PLCB1: variants seen among roughly 807,000 people sequenced by gnomAD.
PLCB1 encodes phospholipase C beta 1.
Under a neutral mutation model 161.8 loss-of-function variants are expected in PLCB1, and 46 were observed. That is an observed-to-expected ratio of 0.28 (90% CI 0.22 to 0.36). PLCB1 has a LOEUF of 0.36. Ranked by LOEUF, PLCB1 falls within the 10% of genes least tolerant of loss-of-function variation. The probability of loss-of-function intolerance (pLI) is 1.00; values close to 1 mark genes in which losing one functional copy is unlikely to be tolerated. For missense variants in PLCB1, 1,016 were observed against 1,472.5 expected, an observed-to-expected ratio of 0.69 and a Z score of 5.07; for synonymous variants, 517 against 503.7, an observed-to-expected ratio of 1.03 and a Z score of -0.35.
At chr20:8,544,272 G>A (rs953186242) in intron 3 of PLCB1, among the ~76,000 whole-genome samples, 2 of 152,208 alleles carry the variant, frequency 1.3e-5, no homozygotes, top group East Asian at 1.9e-4. Flanking sequence ...TAGTGGGTAT[G>A]TGAGCATGTG....
intron 7 of PLCB1, chr20:8,651,373 GAAAT>G: frequency 1.4e-6 from 1 of 699,246 alleles, no homozygotes; most frequent in Non-Finnish European, 2.7e-6. Context: ...TCACAAGAAA[GAAAT>G]AAGAGCACCT....
intron 3 of PLCB1, among the ~76,000 whole-genome samples, chr20:8,403,729 CA>C (rs1466943567): frequency 6.6e-6 from 1 of 152,162 alleles, no homozygotes; most frequent in Non-Finnish European, 1.5e-5. Flanking sequence ...CACTGCAAGA[CA>C]GATTGTGGAT....
In PLCB1 at chr20:8,757,150, C is replaced by T. The variant is rs747869213; in HGVS notation, c.2628C>T (p.Ser876=). The T allele has an allele frequency of 1.6e-5, 25 of 1,612,666 alleles. No individual in the cohort carries two copies. In the South Asian group the frequency reaches 2.8e-4, roughly 18 times the overall value. ...HTTTLTPKPP[S]QALHSQPAPG... ...CAACCCTGACACCCAAGCCACCCTCCCAGGCTCTCCACAGCCAGCCAGCTC... is the reference window on the plus strand; with the variant it reads ...CAACCCTGACACCCAAGCCACCCTCTCAGGCTCTCCACAGCCAGCCAGCTC... The change falls in exon 24 of 32, where the codon TCC becomes TCT. Residue 876 remains serine, a synonymous_variant. Coordinates refer to ENST00000338037, the MANE Select transcript of PLCB1 (RefSeq NM_015192.4).
At chr20:8,184,769 TTTATTATTATTA>T (rs57793768) in intron 2 of PLCB1, among the ~76,000 whole-genome samples, 43 of 141,920 alleles carry the variant, frequency 3.0e-4, no homozygotes, top group Non-Finnish European at 4.3e-4. Flanking sequence ...TGGCAATACC[TTTATTATTATTA>T]TTATTATTAT....
At chr20:8,851,653 G>C (rs2146302365) in intron 31 of PLCB1, among the ~76,000 whole-genome samples, 1 of 151,878 alleles carries the variant, frequency 6.6e-6, no homozygotes, top group African/African-American at 2.4e-5. Context: ...AGTCACCCCA[G>C]CTGCTGCTAT....
At chr20:8,711,061 ATAT>A (rs1978986483) in intron 12 of PLCB1, among the ~76,000 whole-genome samples, 1 of 152,200 alleles carries the variant, frequency 6.6e-6, no homozygotes, top group Admixed American at 6.5e-5. Context: ...CTAAGAGTAA[ATAT>A]TATGATTATC....
intron 3 of PLCB1, among the ~76,000 whole-genome samples, chr20:8,541,703 A>G (rs974086211): frequency 6.6e-6 from 1 of 152,214 alleles, no homozygotes; most frequent in African/African-American, 2.4e-5. Context: ...ATTTGTATTT[A>G]TTTATTGAGC....
intron 2 of PLCB1, among the ~76,000 whole-genome samples, chr20:8,331,915 T>C (rs994514722): frequency 1.3e-5 from 2 of 152,112 alleles, no homozygotes; most frequent in Non-Finnish European, 2.9e-5. Flanking sequence ...GGTAAGACAA[T>C]TGGATCGAGA....
At chr20:8,406,438 CTTGTG>C (rs988030357) in intron 3 of PLCB1, among the ~76,000 whole-genome samples, 84 of 152,150 alleles carry the variant, frequency 5.5e-4, no homozygotes, top group African/African-American at 1.9e-3. Context: ...CAAAAATTGT[CTTGTG>C]TTAAGTGTTT....
chr20:8,554,680 T>C (rs1985891031), intron 3 of PLCB1, among the ~76,000 whole-genome samples: 1 of 152,138 alleles, frequency 6.6e-6, no homozygotes, highest in Non-Finnish European at 1.5e-5. Flanking sequence ...GATGATTGCA[T>C]GGTCATATAC....
At chr20:8,847,799 A>G (rs552846030) in intron 31 of PLCB1, among the ~76,000 whole-genome samples, 2 of 152,244 alleles carry the variant, frequency 1.3e-5, no homozygotes, top group African/African-American at 4.8e-5. Context: ...CAGTTTATCA[A>G]GAAGGATACA....
chr20:8,773,272 G>C (rs1982782287), intron 26 of PLCB1, among the ~76,000 whole-genome samples: 1 of 152,166 alleles, frequency 6.6e-6, no homozygotes, highest in Non-Finnish European at 1.5e-5. Context: ...AGAGTCTGAT[G>C]TGTTGAATGT....
chr20:8,206,321 G>A (rs1978527295), intron 2 of PLCB1, among the ~76,000 whole-genome samples: 1 of 151,934 alleles, frequency 6.6e-6, no homozygotes, highest in South Asian at 2.1e-4. Context: ...TTTATGTATT[G>A]TGAACATTTT....
intron 31 of PLCB1, among the ~76,000 whole-genome samples, chr20:8,795,267 G>A (rs1317809105): frequency 1.3e-5 from 2 of 152,114 alleles, no homozygotes; most frequent in Non-Finnish European, 2.9e-5. Flanking sequence ...CATTTTGTAG[G>A]TAATTTTGAG....
In PLCB1 at chr20:8,228,160, A is replaced by AAAAT. The variant is rs896428635; in HGVS notation, c.177+77804_177+77807dup. On this transcript the variant is annotated intron_variant, in intron 2 of 31. Transcript: ENST00000338037. Reference sequence around the variant, plus strand: ...GGCGACAGAAGTGAGACTCTGTCTCAAAATAAATAAATAAATAAGATAAGA... The same window carrying AAAAT: ...GGCGACAGAAGTGAGACTCTGTCTCAAAATAAATAAATAAATAAATAAGATAAGA... Among the ~76,000 whole-genome samples, 7 of 152,170 alleles carry AAAAT rather than the reference A, an allele frequency of 4.6e-5. No homozygotes were observed. The East Asian group carries it at 9.7e-4, about 21-fold the overall frequency.
chr20:8,374,529 G>T (rs1346089925), intron 3 of PLCB1, among the ~76,000 whole-genome samples: 1 of 152,166 alleles, frequency 6.6e-6, no homozygotes, highest in Non-Finnish European at 1.5e-5. Context: ...CCACCTAACA[G>T]TGTCATATGG....
chr20:8,363,053 T>C (rs1986595089), intron 2 of PLCB1, among the ~76,000 whole-genome samples: 1 of 152,150 alleles, frequency 6.6e-6, no homozygotes, highest in Admixed American at 6.5e-5. Flanking sequence ...CATTCAATAA[T>C]GGTGACAGCA....
chr20:8,577,730 T>C lies in PLCB1; in HGVS notation c.247-50564T>C, dbSNP rs564267441. ...AGGTAAATCCATGGGCAATAAACCA[T>C]GCCAGTTCTCTTTTCTGTGCTAATT... On this transcript the variant is annotated intron_variant, in intron 3 of 31. Coordinates refer to ENST00000338037, the MANE Select transcript of PLCB1 (RefSeq NM_015192.4). 1.7e-3 allele frequency among the ~76,000 whole-genome samples: 252 copies of C among 152,246 alleles called. 3 individuals carry two copies. The highest frequency in any genetic ancestry group is 7.3e-3 in the South Asian group (35 of 4,824).
At chr20:8,215,310 A>G (rs1390466182) in intron 2 of PLCB1, among the ~76,000 whole-genome samples, 1 of 152,056 alleles carries the variant, frequency 6.6e-6, no homozygotes, top group African/African-American at 2.4e-5. Context: ...CTGAAAACTT[A>G]AGTAGCTAAC....
Sources: gnomAD v4.1 joint callset for allele counts (sites outside exome capture counted in the v4.1 genomes callset) on GRCh38, gnomAD v4.1.1 for gene constraint, MANE v1.5 for transcripts, NCBI Gene and HGNC (gene_info 2026-07-23, HGNC 2026-07-21) for gene names.